Variants in PRDM12 observed in about 807,000 individuals in gnomAD.
PRDM12 encodes PR domain zinc finger protein 12.
Under a neutral mutation model 29.6 loss-of-function variants are expected in PRDM12, and 17 were observed. That is an observed-to-expected ratio of 0.57 (90% CI 0.39 to 0.86). The LOEUF (loss-of-function observed/expected upper bound fraction) is 0.86. Ranked by LOEUF, PRDM12 falls within the 40% of genes least tolerant of loss-of-function variation. The pLI is 0.00. For synonymous variants in PRDM12, 231 were observed against 225.8 expected, an observed-to-expected ratio of 1.02 and a Z score of -0.21; for missense variants, 422 against 510.8, an observed-to-expected ratio of 0.83 and a Z score of 1.68.
At chr9:130,665,907 T>C (rs956323310) in intron 1 of PRDM12, among the ~76,000 whole-genome samples, 4 of 152,108 alleles carry the variant, frequency 2.6e-5, no homozygotes, top group Non-Finnish European at 2.9e-5. Flanking sequence ...CTCGGGGAGC[T>C]GGGGGCCGCC....
chr9:130,666,713 C>A lies in PRDM12; in HGVS notation c.329C>A (p.Ala110Glu), dbSNP rs988144837. The change falls in exon 2 of 5, where the codon GCG becomes GAG. Residue 110 changes from alanine to glutamate, a missense_variant. By Grantham distance (107) the Ala-to-Glu change is moderately radical. Transcript: ENST00000253008. ...LGIFSKTWIKAGTEMGPFTGR... is the reference protein window; with the variant it reads ...LGIFSKTWIKEGTEMGPFTGR... ...ATCTTCTCCAAGACGTGGATCAAGG[C>A]GGGAACCGAGATGGGCCCCTTCACC... 4 of 1,613,342 alleles carry A rather than the reference C, an allele frequency of 2.5e-6. No individual in the cohort carries two copies. Among genetic ancestry groups the A allele is most frequent in the Non-Finnish European group, 3.4e-6 (4 of 1,179,872 alleles).
At chr9:130,665,145 C>A (rs564539867) in intron 1 of PRDM12, among the ~76,000 whole-genome samples, 5 of 152,366 alleles carry the variant, frequency 3.3e-5, no homozygotes, top group Non-Finnish European at 5.9e-5. Context: ...CTCCCTTCCC[C>A]TCCTGCGCTT....
At chr9:130,680,036 A>T (rs764731337) in intron 4 of PRDM12, among the ~76,000 whole-genome samples, 1 of 152,088 alleles carries the variant, frequency 6.6e-6, no homozygotes, top group African/African-American at 2.4e-5. Flanking sequence ...CTGATGTTTT[A>T]CAAACATTAA....
rs1226389673 is a variant in PRDM12, at chr9:130,666,715, G to A, written c.331G>A (p.Gly111Arg). Residue 111 changes from glycine to arginine, a missense_variant, in exon 2 of 5, where the codon GGA (glycine) becomes AGA (arginine). Around this residue, in one of 5 missense-constraint regions of PRDM12, gnomAD observed 300 missense variants for 350.0 expected, o/e 0.86. Transcript: ENST00000253008. Reference sequence around the variant, plus strand: ...CTTCTCCAAGACGTGGATCAAGGCGGGAACCGAGATGGGCCCCTTCACCGG... The same window carrying A: ...CTTCTCCAAGACGTGGATCAAGGCGAGAACCGAGATGGGCCCCTTCACCGG... The part of the protein sequence containing the change: ...GIFSKTWIKA[G>R]TEMGPFTGRV... The A allele has an allele frequency of 6.2e-7, 1 of 1,613,450 alleles. No individual in the cohort carries two copies. The highest frequency in any genetic ancestry group is 8.5e-7 in the Non-Finnish European group (1 of 1,179,874).
intron 4 of PRDM12, among the ~76,000 whole-genome samples, chr9:130,680,585 C>T (rs1830884525): frequency 7.0e-6 from 1 of 143,496 alleles, no homozygotes; most frequent in South Asian, 2.2e-4. Context: ...GAGATCGCGC[C>T]ACTGCACTCC....
intron 3 of PRDM12, among the ~76,000 whole-genome samples, chr9:130,669,171 C>A (rs1474578666): frequency 6.6e-6 from 1 of 151,098 alleles, no homozygotes; most frequent in East Asian, 2.0e-4. Flanking sequence ...ACTAAAAATA[C>A]AAAAAATTAG....
At position 130,681,924 on chromosome 9, in the gene PRDM12, G is replaced by A; in HGVS notation, c.*255G>A. ...GTTCGGCCGCCTCCTCTGGGAGGGG[G>A]TCCCCCTGCCTGGCCTCGCCCCCGA... On this transcript the variant is annotated 3_prime_UTR_variant, in exon 5 of 5. Transcript: ENST00000253008. The surrounding 1 kb of genome is among the most constrained non-coding windows in gnomAD (Gnocchi z 8.1). The A allele has an allele frequency of 5.0e-6, 1 of 200,256 alleles. No individual in the cohort carries two copies. The highest frequency in any genetic ancestry group is 8.9e-6 in the Non-Finnish European group (1 of 112,160). 12.4% of individuals were successfully genotyped at this position (200,256 alleles called of 1,614,324 possible).
chr9:130,672,189 T>C (rs531342095), intron 3 of PRDM12, among the ~76,000 whole-genome samples: 297 of 152,064 alleles, frequency 2.0e-3, no homozygotes, highest in African/African-American at 6.8e-3. Flanking sequence ...AATAAAAGGG[T>C]CTTAGCAACT....
intron 3 of PRDM12, among the ~76,000 whole-genome samples, chr9:130,675,173 C>T (rs954986983): frequency 2.0e-5 from 3 of 152,210 alleles, no homozygotes; most frequent in African/African-American, 7.2e-5. Flanking sequence ...AGCCACTGCA[C>T]CCAGCCTACT....
rs1830772289 is a variant in PRDM12, at chr9:130,669,870, G to A, written c.570+1557G>A. Among the ~76,000 whole-genome samples the A allele has an allele frequency of 2.0e-5, 3 of 151,644 alleles. No homozygotes were observed. The South Asian group carries it at 6.3e-4, about 32-fold the overall frequency. On this transcript the variant is annotated intron_variant, in intron 3 of 4. Coordinates refer to ENST00000253008, the MANE Select transcript of PRDM12 (RefSeq NM_021619.3). ...GGTAAATATCACTTCCTGTGGTGTG[G>A]CAGGGGTGAGGCTGAGCCAGGAAGG...
chr9:130,666,605 C>T lies in PRDM12; in HGVS notation c.224-3C>T. ...ACCGGTTTTCCTGGCCCCGCCGCCG[C>T]AGAAGTGCAGAAGCTGTCCAGCCTG... On this transcript the variant is annotated splice_polypyrimidine_tract_variant and splice_region_variant and intron_variant, in intron 1 of 4. Transcript: ENST00000253008. The T allele has an allele frequency of 6.3e-7, 1 of 1,599,160 alleles. No homozygotes were observed. The highest frequency in any genetic ancestry group is 8.5e-7 in the Non-Finnish European group (1 of 1,173,860).
rs956744715 is a variant in PRDM12, at chr9:130,681,098, G to A, written c.683-150G>A. 12 of 783,556 alleles carry A rather than the reference G, an allele frequency of 1.5e-5. No homozygotes were observed. Among genetic ancestry groups the A allele is most frequent in the Admixed American group, 4.1e-5 (1 of 24,404 alleles). The allele number at this position is 783,556 out of a possible 1,614,324, so 48.5% of individuals were successfully genotyped here. ...CCTTCGCTGTCCCTCCAGTCCGTCT[G>A]CCACCGTCCAAGCAGCACCCACCCT... On this transcript the variant is annotated intron_variant, in intron 4 of 4. Coordinates refer to ENST00000253008, the MANE Select transcript of PRDM12 (RefSeq NM_021619.3). This position sits in a 1 kb window ranked among gnomAD's most constrained non-coding sequence, Gnocchi z 8.1.
intron 3 of PRDM12, among the ~76,000 whole-genome samples, chr9:130,677,948 T>G (rs1475273583): frequency 6.6e-6 from 1 of 152,156 alleles, no homozygotes; most frequent in African/African-American, 2.4e-5. Context: ...GGTGGAGGTG[T>G]TCATCCATCC....
chr9:130,678,630 G>C lies in PRDM12; in HGVS notation c.672G>C (p.Lys224Asn), dbSNP rs1346043449. Residue 224 changes from lysine to asparagine, a missense_variant, in exon 4 of 5, where the codon AAG becomes AAC. By Grantham distance (94) the Lys-to-Asn change is moderately conservative. Around this residue, in one of 5 missense-constraint regions of PRDM12, gnomAD observed 300 missense variants for 350.0 expected, o/e 0.86. Transcript: ENST00000253008. ...GVPGLEEDQKKNKHEDFHPAD... is the reference protein window; with the variant it reads ...GVPGLEEDQKNNKHEDFHPAD... ...CCGGGCTAGAGGAGGACCAGAAAAA[G>C]AACAAGCATGGTAGGTGTTCCCCAT... 6.2e-7 allele frequency: 1 copy of C among 1,608,392 alleles called. No individual in the cohort carries two copies. Among genetic ancestry groups the C allele is most frequent in the East Asian group, 2.2e-5 (1 of 44,746 alleles).
rs1830894739 is a variant in PRDM12, at chr9:130,681,019, T to TCTCG, written c.683-227_683-224dup. ...AGGCTGAGTCGCTAAGTCCCCGAGG[T>TCTCG]CTCGCATCGCGATCGGGAGTCCAAC... is the stretch of plus-strand genomic sequence containing the variant. On this transcript the variant is annotated intron_variant, in intron 4 of 4. Coordinates refer to ENST00000253008, the MANE Select transcript of PRDM12 (RefSeq NM_021619.3). The surrounding 1 kb of genome is among the most constrained non-coding windows in gnomAD (Gnocchi z 8.1). Among the ~76,000 whole-genome samples, 1 of 150,674 alleles carries TCTCG rather than the reference T, an allele frequency of 6.6e-6. No individual in the cohort carries two copies. Among genetic ancestry groups the TCTCG allele is most frequent in the African/African-American group, 2.5e-5 (1 of 40,584 alleles).
chr9:130,680,651 A>AT (rs1230089605), intron 4 of PRDM12, among the ~76,000 whole-genome samples: 11 of 80,134 alleles, frequency 1.4e-4, no homozygotes, highest in Non-Finnish European at 2.4e-4. Context: ...ATATATATAT[A>AT]TATATATATT....
intron 3 of PRDM12, among the ~76,000 whole-genome samples, chr9:130,675,423 G>A (rs1447983529): frequency 6.6e-6 from 1 of 152,172 alleles, no homozygotes; most frequent in East Asian, 1.9e-4. Context: ...TTCGGGCCCA[G>A]CCTGTGCTCT....
chr9:130,664,864 T>C lies in PRDM12; in HGVS notation c.211T>C (p.Ser71Pro). The stretch of plus-strand genomic sequence containing the variant: ...CTTCACCGCCGAGGTGCTGGCGCAG[T>C]CCTTCTCCGGCGGTGAGTCCAGCCG... ...TAFTAEVLAQSFSGEVQKLSS... is the reference protein window; with the variant it reads ...TAFTAEVLAQPFSGEVQKLSS... The change falls in exon 1 of 5, where the codon TCC becomes CCC. Residue 71 changes from serine to proline, a missense_variant. Physicochemically the swap from Ser to Pro is moderately conservative, Grantham distance 74 (BLOSUM62 -1). Around this residue, in one of 5 missense-constraint regions of PRDM12, gnomAD observed 300 missense variants for 350.0 expected, o/e 0.86. Coordinates refer to ENST00000253008, the MANE Select transcript of PRDM12 (RefSeq NM_021619.3). This position sits in a 1 kb window ranked among gnomAD's most constrained non-coding sequence, Gnocchi z 6.4. 6.5e-7 allele frequency: 1 copy of C among 1,540,158 alleles called. No individual in the cohort carries two copies.
At chr9:130,672,469 G>A (rs537963577) in intron 3 of PRDM12, among the ~76,000 whole-genome samples, 6 of 152,298 alleles carry the variant, frequency 3.9e-5, no homozygotes, top group South Asian at 2.1e-4. Flanking sequence ...GATTACAGGC[G>A]TGAGCCACTG....
Sources: allele counts gnomAD v4.1 joint callset (sites outside exome capture counted in the v4.1 genomes callset), GRCh38; gene constraint gnomAD v4.1.1; regional missense constraint gnomAD v4.1.1; non-coding constraint Gnocchi (gnomAD v3.1); transcripts MANE v1.5; gene names NCBI Gene and HGNC (gene_info 2026-07-23, HGNC 2026-07-21).